SP1: variants seen among roughly 807,000 people sequenced by gnomAD.
The protein encoded by SP1 is transcription factor Sp1.
In SP1, 6 loss-of-function variants were observed where a neutral mutation model predicts 66.3. That is an observed-to-expected ratio of 0.09 (90% CI 0.05 to 0.18). The LOEUF (loss-of-function observed/expected upper bound fraction) is 0.18, where lower values mean the gene tolerates loss of function less well. SP1 is among the 10% of genes least tolerant of loss of function. The pLI is 1.00. For missense variants in SP1, 848 were observed against 964.5 expected, an observed-to-expected ratio of 0.88 and a Z score of 1.60; for synonymous variants, 417 against 360.8, an observed-to-expected ratio of 1.16 and a Z score of -1.77.
chr12:53,390,279 T>C (rs1417921328), intron 3 of SP1, among the ~76,000 whole-genome samples: 1 of 152,210 alleles, frequency 6.6e-6, no homozygotes, highest in East Asian at 1.9e-4. Context: ...TTTAAAAAAT[T>C]TATTTTCTAG....
At chr12:53,397,337 G>C (rs1378175670) in intron 3 of SP1, among the ~76,000 whole-genome samples, 1 of 151,840 alleles carries the variant, frequency 6.6e-6, no homozygotes, top group East Asian at 1.9e-4. Flanking sequence ...CTAAAGTACT[G>C]TTTTACTTTT....
intron 3 of SP1, among the ~76,000 whole-genome samples, chr12:53,384,788 C>G (rs368454930): frequency 6.6e-6 from 1 of 151,724 alleles, no homozygotes; most frequent in African/African-American, 2.4e-5. Flanking sequence ...AGTTCAAGAC[C>G]GGCTGGGGCA....
chr12:53,381,951 C>A, intron 2 of SP1, 138 bp downstream of exon 2: 1 of 1,202,464 alleles, frequency 8.3e-7, no homozygotes, highest in Non-Finnish European at 1.2e-6. Flanking sequence ...ATGGAGATCC[C>A]CAAAGACAAA....
chr12:53,380,673 G>A, intron 1 of SP1: 1 of 989,228 alleles, frequency 1.0e-6, no homozygotes, highest in Non-Finnish European at 1.2e-6. Context: ...CGCCTGCCTG[G>A]TCCGCCCTCT....
intron 3 of SP1, among the ~76,000 whole-genome samples, chr12:53,395,335 G>A (rs1175150569): frequency 5.9e-5 from 9 of 151,764 alleles, no homozygotes; most frequent in Admixed American, 6.6e-5. Flanking sequence ...GTGAAACTCC[G>A]TCTCAAAAAA....
At chr12:53,391,865 C>G (rs903262542) in intron 3 of SP1, among the ~76,000 whole-genome samples, 6 of 151,636 alleles carry the variant, frequency 4.0e-5, no homozygotes, top group Non-Finnish European at 5.9e-5. Context: ...GTTTTCTGTT[C>G]CAGCGTTTAT....
chr12:53,394,415 T>C (rs1938427852), intron 3 of SP1, among the ~76,000 whole-genome samples: 1 of 97,264 alleles, frequency 1.0e-5, no homozygotes, highest in African/African-American at 4.1e-5. Context: ...GTATCTTTTT[T>C]TTTTTTTTTT....
At position 53,382,713 on chromosome 12, in the gene SP1, G is replaced by A; in HGVS notation, c.766G>A (p.Val256Ile). Reference sequence around the variant, plus strand: ...AGGACAGACTCAGTATGTGACCAATGTACCAGTGGCCCTGAATGGGAACAT... The same window carrying A: ...AGGACAGACTCAGTATGTGACCAATATACCAGTGGCCCTGAATGGGAACAT... ...LSGQTQYVTN[V>I]PVALNGNITL... The change falls in exon 3 of 6, where the codon GTA (valine) becomes ATA (isoleucine). Residue 256 changes from valine to isoleucine, a missense_variant. Val to Ile is a conservative substitution (Grantham distance 29, BLOSUM62 3). Coordinates refer to ENST00000327443, the MANE Select transcript of SP1 (RefSeq NM_138473.3). The A allele has an allele frequency of 6.2e-7, 1 of 1,614,164 alleles. No homozygotes were observed. The highest frequency in any genetic ancestry group is 8.5e-7 in the Non-Finnish European group (1 of 1,180,030).
chr12:53,406,710 C>T lies in SP1; in HGVS notation c.1801C>T (p.Arg601Trp). ...AQPQAGRRTR[R>W]EACTCPYCKD... ...ACCCCAAGCCGGTCGGAGGACCCGG[C>T]GGGAAGCATGCACCTGCCCCTACTG... The change falls in exon 4 of 6, where the codon CGG becomes TGG. Residue 601 changes from arginine (R) to tryptophan (W), a missense_variant. Physicochemically the swap from Arg to Trp is moderately radical, Grantham distance 101. Coordinates refer to ENST00000327443, the MANE Select transcript of SP1 (RefSeq NM_138473.3). 6.2e-7 allele frequency: 1 copy of T among 1,613,942 alleles called. No individual in the cohort carries two copies. Among genetic ancestry groups the T allele is most frequent in the Non-Finnish European group, 8.5e-7 (1 of 1,179,984 alleles).
At chr12:53,394,360 AT>A (rs1490704764) in intron 3 of SP1, among the ~76,000 whole-genome samples, 2 of 151,708 alleles carry the variant, frequency 1.3e-5, no homozygotes, top group African/African-American at 4.8e-5. Context: ...TTTCCAAAAA[AT>A]CAAGTTTCTT....
Position 53,408,185 on chromosome 12 carries a change from G to A in SP1, c.1845-1177G>A, listed in dbSNP as rs184453173. Among the ~76,000 whole-genome samples the A allele has an allele frequency of 4.6e-3, 652 of 141,200 alleles. 7 individuals carry two copies. Among genetic ancestry groups the A allele is most frequent in the Admixed American group, 0.018 (263 of 14,412 alleles). 92.6% of individuals were successfully genotyped at this position (141,200 alleles called of 152,430 possible). On this transcript the variant is annotated intron_variant, in intron 4 of 5. Transcript: ENST00000327443. ...TGCTCGAACTTGGGAGGTGGAGGTTGCAGTGAACCGAGATCGTGCCGTTAC... is the reference window on the plus strand; with the variant it reads ...TGCTCGAACTTGGGAGGTGGAGGTTACAGTGAACCGAGATCGTGCCGTTAC...
intron 1 of SP1, 74 bp from the exon 2 acceptor site, chr12:53,381,585 G>T: frequency 3.7e-6 from 5 of 1,369,344 alleles, no homozygotes; most frequent in Non-Finnish European, 5.0e-6. Flanking sequence ...TTTCATCATA[G>T]CCTCCTTTTA....
chr12:53,392,987 G>A (rs1371045352), intron 3 of SP1, among the ~76,000 whole-genome samples: 3 of 151,164 alleles, frequency 2.0e-5, no homozygotes, highest in African/African-American at 4.9e-5. Context: ...CACCATGCCC[G>A]GCTAATTTTT....
intron 3 of SP1, among the ~76,000 whole-genome samples, chr12:53,391,685 A>G (rs1335941385): frequency 6.6e-6 from 1 of 151,364 alleles, no homozygotes; most frequent in Non-Finnish European, 1.5e-5. Flanking sequence ...TGGGATACAA[A>G]TGATCTTGTT....
intron 3 of SP1, among the ~76,000 whole-genome samples, chr12:53,403,469 C>G (rs1020485351): frequency 5.9e-5 from 9 of 151,922 alleles, no homozygotes; most frequent in Admixed American, 2.0e-4. Context: ...TACCCTGCTT[C>G]ATCCTCCCAG....
chr12:53,383,181 C>T lies in SP1; in HGVS notation c.1234C>T (p.Leu412Phe), dbSNP rs1186454799. The change falls in exon 3 of 6, where the codon CTC (leucine) becomes TTC (phenylalanine). Residue 412 changes from leucine (L) to phenylalanine (F), a missense_variant. By Grantham distance (22) the Leu-to-Phe change is conservative. Coordinates refer to ENST00000327443, the MANE Select transcript of SP1 (RefSeq NM_138473.3). ...QPQLVQGGQA[L>F]QALQAAPLSG... ...TCAGCTAGTTCAAGGGGGACAGGCC[C>T]TCCAGGCCCTCCAAGCAGCACCATT... The T allele has an allele frequency of 1.2e-6, 2 of 1,613,854 alleles. No homozygotes were observed. The highest frequency in any genetic ancestry group is 1.7e-6 in the Non-Finnish European group (2 of 1,179,868).
At chr12:53,400,296 A>G (rs1012470994) in intron 3 of SP1, among the ~76,000 whole-genome samples, 44 of 152,178 alleles carry the variant, frequency 2.9e-4, no homozygotes, top group African/African-American at 1.1e-3. Flanking sequence ...GCTTCTTTCA[A>G]TTAGCATAAT....
intron 1 of SP1, 35 bp from the exon 2 acceptor site, chr12:53,381,624 T>G: frequency 6.4e-7 from 1 of 1,567,902 alleles, no homozygotes; most frequent in Non-Finnish European, 8.7e-7. Context: ...TTTTCTTCCC[T>G]CAAGTTTACG....
In SP1 at chr12:53,380,421, A is replaced by G. The variant is rs961850629; in HGVS notation, c.7+123A>G. The G allele has an allele frequency of 6.1e-6, 5 of 816,572 alleles. No individual in the cohort carries two copies. The African/African-American group carries it at 9.3e-5, about 15-fold the overall frequency. The allele number at this position is 816,572 out of a possible 1,614,324, so 50.6% of individuals were successfully genotyped here. The stretch of plus-strand genomic sequence containing the variant: ...CGGGAGGCGGCGGCGGCGGCGGCCT[A>G]GGTCCCGCCCGGGGCGGAGGGAAGG... On this transcript the variant is annotated intron_variant, in intron 1 of 5. Transcript: ENST00000327443.
Sources: gnomAD v4.1 joint callset for allele counts (sites outside exome capture counted in the v4.1 genomes callset) on GRCh38, gnomAD v4.1.1 for gene constraint, MANE v1.5 for transcripts, NCBI Gene and HGNC (gene_info 2026-07-23, HGNC 2026-07-21) for gene names.